The following NDST4 variants were observed in gnomAD, a reference collection of about 807,000 sequenced individuals.
NDST4 encodes the protein N-deacetylase and N-sulfotransferase 4, also known as N-heparan sulfate sulfotransferase 4.
A neutral mutation model predicts 100.8 loss-of-function variants in NDST4; 63 were observed. The observed-to-expected ratio is 0.62, with a 90% confidence interval of 0.51 to 0.77. The LOEUF (loss-of-function observed/expected upper bound fraction) is 0.77, where lower values mean the gene tolerates loss of function less well. NDST4 is among the 30% of genes least tolerant of loss of function. The probability of loss-of-function intolerance (pLI) is 0.00; values close to 1 mark genes in which losing one functional copy is unlikely to be tolerated. For synonymous variants in NDST4, 377 were observed against 361.8 expected (o/e 1.04, Z -0.48); for missense variants, 943 against 1,018.4 (o/e 0.93, Z 1.01).
intron 6 of NDST4, among the ~76,000 whole-genome samples, chr4:114,916,516 T>C (rs1195347546): frequency 6.6e-6 from 1 of 150,938 alleles, no homozygotes; most frequent in East Asian, 2.0e-4. Context: ...AGTTCAGATG[T>C]CACATTGTCC....
chr4:114,985,256 A>T (rs1020604245), intron 2 of NDST4, among the ~76,000 whole-genome samples: 1 of 152,078 alleles, frequency 6.6e-6, no homozygotes, highest in Non-Finnish European at 1.5e-5. Context: ...CTTTTCACCC[A>T]CCAGTTAAGT....
chr4:115,026,696 G>A (rs1216286945), intron 2 of NDST4, among the ~76,000 whole-genome samples: 6 of 151,116 alleles, frequency 4.0e-5, no homozygotes, highest in Middle Eastern at 3.4e-3. Flanking sequence ...GGGGGGTTGC[G>A]GGGGCTGGGG....
At position 114,917,538 on chromosome 4, in the gene NDST4, G is replaced by A. The variant is rs139402923; in HGVS notation, c.1536+17668C>T. Among the ~76,000 whole-genome samples the A allele has an allele frequency of 9.8e-3, 1,497 of 152,236 alleles. 27 individuals are homozygous for A. Among genetic ancestry groups the A allele is most frequent in the African/African-American group, 0.034 (1,422 of 41,540 alleles). On this transcript the variant is annotated intron_variant, in intron 6 of 13. Coordinates refer to ENST00000264363, the MANE Select transcript of NDST4 (RefSeq NM_022569.3). ...ACTTTCATGCACCTACAGAGGCTGAGGTGGGAGGGCTGGAGGATTGCTTGA... is the reference window on the plus strand; with the variant it reads ...ACTTTCATGCACCTACAGAGGCTGAAGTGGGAGGGCTGGAGGATTGCTTGA...
At chr4:114,882,579 A>T (rs903135418) in intron 6 of NDST4, among the ~76,000 whole-genome samples, 1 of 152,068 alleles carries the variant, frequency 6.6e-6, no homozygotes, top group Admixed American at 6.6e-5. Flanking sequence ...ACTAAAGTAC[A>T]AAGAGAAAAA....
chr4:115,036,119 T>C (rs75574306), intron 2 of NDST4, among the ~76,000 whole-genome samples: 3,638 of 151,906 alleles, frequency 0.024, 82 homozygotes, highest in Non-Finnish European at 0.039. Context: ...AACACAAAAA[T>C]TATTTTTTAT....
chr4:115,024,516 A>G (rs1051035539), intron 2 of NDST4, among the ~76,000 whole-genome samples: 1 of 152,002 alleles, frequency 6.6e-6, no homozygotes, highest in African/African-American at 2.4e-5. Flanking sequence ...TTTATTTTCA[A>G]ATGGGAATGC....
intron 2 of NDST4, among the ~76,000 whole-genome samples, chr4:115,059,749 G>T (rs777951022): frequency 3.9e-5 from 6 of 151,946 alleles, no homozygotes; most frequent in Non-Finnish European, 8.8e-5. Flanking sequence ...TTAGAAGTAA[G>T]ACAAGTCATT....
intron 1 of NDST4, among the ~76,000 whole-genome samples, chr4:115,109,484 ATACT>A (rs1218759223): frequency 6.6e-6 from 1 of 151,972 alleles, no homozygotes; most frequent in Non-Finnish European, 1.5e-5. Flanking sequence ...AACTCTTCAA[ATACT>A]TAAAGTAATA....
chr4:114,916,631 G>A (rs1317855756), intron 6 of NDST4, among the ~76,000 whole-genome samples: 1 of 146,730 alleles, frequency 6.8e-6, no homozygotes, highest in Non-Finnish European at 1.5e-5. Flanking sequence ...CTCACTTTCT[G>A]TGTTTTTATG....
chr4:114,877,087 C>CACACACACAT lies in NDST4; in HGVS notation c.1537-6138_1537-6137insATGTGTGTGT, dbSNP rs367579960. On this transcript the variant is annotated intron_variant, in intron 6 of 13. Coordinates refer to ENST00000264363, the MANE Select transcript of NDST4 (RefSeq NM_022569.3). ...TAACACACACACACACACACACACA[C>CACACACACAT]GCGTGCACGCGCGCAAGCCTGGGCA... 3.3e-3 allele frequency among the ~76,000 whole-genome samples: 506 copies of CACACACACAT among 151,604 alleles called. 6 individuals are homozygous for CACACACACAT. Among genetic ancestry groups the CACACACACAT allele is most frequent in the African/African-American group, 0.012 (481 of 41,490 alleles).
chr4:114,837,217 A>G (rs940039650), intron 11 of NDST4, among the ~76,000 whole-genome samples: 1 of 152,058 alleles, frequency 6.6e-6, no homozygotes, highest in Non-Finnish European at 1.5e-5. Context: ...TGAAATTTTC[A>G]TCATTTTTGC....
intron 4 of NDST4, among the ~76,000 whole-genome samples, chr4:114,940,185 G>C (rs1262022310): frequency 1.3e-5 from 2 of 152,126 alleles, no homozygotes; most frequent in Non-Finnish European, 2.9e-5. Flanking sequence ...GTCTCTTACA[G>C]GATCTATGGA....
At chr4:114,958,165 C>T (rs1039507554) in intron 4 of NDST4, among the ~76,000 whole-genome samples, 9 of 152,214 alleles carry the variant, frequency 5.9e-5, no homozygotes, top group South Asian at 2.1e-4. Flanking sequence ...ATGAGGGCTC[C>T]GCCCCTGCAG....
chr4:114,933,152 T>A (rs913758238), intron 6 of NDST4, among the ~76,000 whole-genome samples: 1 of 151,870 alleles, frequency 6.6e-6, no homozygotes, highest in African/African-American at 2.4e-5. Context: ...AAGCAAACGG[T>A]CCAGAAATAA....
chr4:115,015,178 A>G (rs1727647940), intron 2 of NDST4, among the ~76,000 whole-genome samples: 1 of 152,092 alleles, frequency 6.6e-6, no homozygotes, highest in Non-Finnish European at 1.5e-5. Context: ...TTTGTGTGTA[A>G]TTGATATGAG....
At chr4:115,108,573 A>C (rs960528173) in intron 1 of NDST4, among the ~76,000 whole-genome samples, 3 of 151,876 alleles carry the variant, frequency 2.0e-5, no homozygotes, top group African/African-American at 7.2e-5. Context: ...TATTATTATC[A>C]TTTTATTTTT....
intron 1 of NDST4, among the ~76,000 whole-genome samples, chr4:115,095,997 T>A (rs897108587): frequency 6.6e-6 from 1 of 150,960 alleles, no homozygotes; most frequent in African/African-American, 2.5e-5. Flanking sequence ...CCTTTAACTT[T>A]ACACTCTCTC....
At chr4:114,991,053 CG>C (rs1354775213) in intron 2 of NDST4, among the ~76,000 whole-genome samples, 13 of 151,746 alleles carry the variant, frequency 8.6e-5, no homozygotes, top group African/African-American at 2.9e-4. Context: ...ACACCTCTGG[CG>C]AAGTAAAGAG....
intron 2 of NDST4, among the ~76,000 whole-genome samples, chr4:115,068,502 T>A (rs879779149): frequency 6.6e-6 from 1 of 152,098 alleles, no homozygotes; most frequent in African/African-American, 2.4e-5. Flanking sequence ...CAAATTATTC[T>A]TTCTTTACAA....
Sources: gnomAD v4.1 joint callset for allele counts (sites outside exome capture counted in the v4.1 genomes callset) on GRCh38, gnomAD v4.1.1 for gene constraint, MANE v1.5 for transcripts, NCBI Gene and HGNC (gene_info 2026-07-23, HGNC 2026-07-21) for gene names.